CAPS2: variants seen among roughly 807,000 people sequenced by gnomAD.
CAPS2 encodes calcyphosine 2, also known as calcyphosin-2.
In CAPS2, 98 loss-of-function variants were observed where a neutral mutation model predicts 86.5. The ratio of observed to expected loss-of-function variants is 1.13; its 90% CI spans 0.96 to 1.34. CAPS2 has a LOEUF of 1.34. Ranked by LOEUF, CAPS2 falls within the 40% of genes most tolerant of loss-of-function variation. CAPS2 has a pLI of 0.00. For missense variants in CAPS2, 729 were observed against 686.8 expected (o/e 1.06, Z -0.69); for synonymous variants, 210 against 225.1 (o/e 0.93, Z 0.60).
At chr12:75,276,123 C>T (rs1472899673), downstream of CAPS2, 11 of 1,380,372 alleles carry the variant, frequency 8.0e-6, no homozygotes, top group Non-Finnish European at 1.1e-5. Flanking sequence ...TCCATGTCCA[C>T]CCTGCAGATT....
chr12:75,299,665 C>T (rs2037481196), intron 9 of CAPS2, among the ~76,000 whole-genome samples, 172 bp downstream of exon 9: 1 of 151,946 alleles, frequency 6.6e-6, no homozygotes, highest in South Asian at 2.1e-4. Context: ...TTCATATTTC[C>T]TATATTTTTA....
chr12:75,334,422 A>T (rs2041561816), upstream of CAPS2: 1 of 1,133,946 alleles, frequency 8.8e-7, no homozygotes, highest in Admixed American at 4.3e-5. Context: ...TCTGTATTAC[A>T]ATCCAGACGC....
At chr12:75,379,853 T>TAAA (rs35309353) in intron 1 of CAPS2, among the ~76,000 whole-genome samples, 1 of 111,928 alleles carries the variant, frequency 8.9e-6, no homozygotes. Flanking sequence ...TCCCTATCAG[T>TAAA]AAAAAAAAAA....
intron 2 of CAPS2, among the ~76,000 whole-genome samples, chr12:75,323,486 G>A (rs1295395195): frequency 6.6e-6 from 1 of 152,186 alleles, no homozygotes; most frequent in African/African-American, 2.4e-5. Flanking sequence ...GCTTATGCCT[G>A]TAATCCCAGC....
intron 14 of CAPS2, 115 bp downstream of exon 14, chr12:75,289,506 T>C: frequency 1.1e-6 from 1 of 884,148 alleles, no homozygotes; most frequent in African/African-American, 1.7e-5. Context: ...TTAACACTGA[T>C]AAAGGGCATA....
At chr12:75,297,158 G>A (rs535246793) in intron 11 of CAPS2, among the ~76,000 whole-genome samples, 62 of 151,624 alleles carry the variant, frequency 4.1e-4, no homozygotes, top group African/African-American at 1.5e-3. Context: ...CCACTTCAAA[G>A]AAATATGGAA....
intron 5 of CAPS2, among the ~76,000 whole-genome samples, chr12:75,317,490 T>G (rs2039886626): frequency 6.6e-6 from 1 of 152,192 alleles, no homozygotes; most frequent in African/African-American, 2.4e-5. Context: ...TTGAAAACAC[T>G]TTCGAAATAA....
At position 75,297,291 on chromosome 12, in the gene CAPS2, T is replaced by C. The variant is rs1224722287; in HGVS notation, c.1044+1396A>G. ...TTGTGAAATGGGAGTCGAGCTGATT[T>C]TCTCTAGATCTCAAGAGGCAGGCTT... On this transcript the variant is annotated intron_variant, in intron 11 of 16. Coordinates refer to ENST00000393284, the Ensembl canonical transcript of CAPS2. 7.2e-5 allele frequency among the ~76,000 whole-genome samples: 11 copies of C among 152,340 alleles called. No individual in the cohort carries two copies. In the East Asian group the frequency reaches 2.1e-3, roughly 29 times the overall value.
chr12:75,360,739 T>A (rs1022100625), intron 1 of CAPS2: 1 of 152,250 alleles, frequency 6.6e-6, no homozygotes, highest in African/African-American at 2.4e-5. Context: ...CACTAGGCAG[T>A]GTGCCAGTGG....
At chr12:75,325,906 AG>A (rs1378338171) in intron 1 of CAPS2, among the ~76,000 whole-genome samples, 1 of 152,134 alleles carries the variant, frequency 6.6e-6, no homozygotes, top group Non-Finnish European at 1.5e-5. Context: ...TGACAAAGAA[AG>A]TAACAAACAT....
chr12:75,310,964 AAAGT>A (rs372462178), intron 7 of CAPS2, among the ~76,000 whole-genome samples: 31 of 152,148 alleles, frequency 2.0e-4, no homozygotes, highest in African/African-American at 7.5e-4. Flanking sequence ...GTCAAAATAA[AAAGT>A]AAGGCCCTTC....
At chr12:75,357,232 A>C (rs1011077574) in intron 1 of CAPS2, among the ~76,000 whole-genome samples, 4 of 152,192 alleles carry the variant, frequency 2.6e-5, no homozygotes, top group African/African-American at 9.6e-5. Context: ...TTAGTATCAG[A>C]AAATGTAGAT....
intron 14 of CAPS2, among the ~76,000 whole-genome samples, chr12:75,285,534 A>G (rs1035633013): frequency 6.6e-6 from 1 of 151,964 alleles, no homozygotes; most frequent in Non-Finnish European, 1.5e-5. Context: ...CATGCTGTGC[A>G]ATAGATCACC....
At chr12:75,340,245 A>C (rs1472519561) in intron 1 of CAPS2, among the ~76,000 whole-genome samples, 1 of 151,474 alleles carries the variant, frequency 6.6e-6, no homozygotes, top group Non-Finnish European at 1.5e-5. Context: ...AGAACTGCAA[A>C]TTGTGCTGCT....
intron 7 of CAPS2, among the ~76,000 whole-genome samples, chr12:75,309,484 T>C (rs776959983): frequency 5.9e-5 from 9 of 152,202 alleles, no homozygotes; most frequent in Non-Finnish European, 1.3e-4. Context: ...TTAACAATCT[T>C]GCCCTCTCTG....
chr12:75,366,275 T>C (rs576796489), intron 1 of CAPS2, among the ~76,000 whole-genome samples: 1 of 152,126 alleles, frequency 6.6e-6, no homozygotes, highest in Non-Finnish European at 1.5e-5. Flanking sequence ...AGCCATAAGA[T>C]ATTAATACAA....
At chr12:75,370,219 G>C in intron 1 of CAPS2, 11 of 1,022,692 alleles carry the variant, frequency 1.1e-5, no homozygotes, top group Non-Finnish European at 1.5e-5. Context: ...TTAAAATAAA[G>C]GAATAGTTTA....
intron 6 of CAPS2, 93 bp downstream of exon 6, chr12:75,316,219 T>G: frequency 6.9e-7 from 1 of 1,445,652 alleles, no homozygotes; most frequent in Non-Finnish European, 9.3e-7. Context: ...CAAATTCAAC[T>G]GTTGCAATTA....
chr12:75,278,059 T>TAGG lies in CAPS2; in HGVS notation c.*830_*831insCCT, dbSNP rs563061219. On this transcript the variant is annotated 3_prime_UTR_variant, in exon 17 of 17. Coordinates refer to ENST00000393284, the Ensembl canonical transcript of CAPS2. ...TTCCTTGGATTCATATATGCAACAATATACTTTTAGGATCTTTGTTTAATA... is the reference window on the plus strand; with the variant it reads ...TTCCTTGGATTCATATATGCAACAATAGGATACTTTTAGGATCTTTGTTTAATA... 1.0e-3 allele frequency: 924 copies of TAGG among 884,728 alleles called. 2 individuals carry two copies. In the African/African-American group the frequency reaches 0.016, roughly 15 times the overall value. 54.8% of individuals were successfully genotyped at this position (884,728 alleles called of 1,614,324 possible).
Sources: gnomAD v4.1 joint callset for allele counts (sites outside exome capture counted in the v4.1 genomes callset) on GRCh38, gnomAD v4.1.1 for gene constraint, MANE v1.5 for transcripts, NCBI Gene and HGNC (gene_info 2026-07-23, HGNC 2026-07-21) for gene names.